Variants in MLIP observed in about 807,000 individuals in gnomAD.
MLIP encodes muscular LMNA-interacting protein.
In MLIP, 79 loss-of-function variants were observed where a neutral mutation model predicts 84.8. The ratio of observed to expected loss-of-function variants is 0.93; its 90% CI spans 0.78 to 1.12. The LOEUF (loss-of-function observed/expected upper bound fraction) is 1.12. Among genes scored for constraint, MLIP ranks in the 50% most tolerant of loss-of-function variants. The probability of loss-of-function intolerance (pLI) is 0.00; values close to 1 mark genes in which losing one functional copy is unlikely to be tolerated. For missense variants in MLIP, 1,257 were observed against 1,160.6 expected (o/e 1.08, Z -1.21); for synonymous variants, 504 against 463.0 (o/e 1.09, Z -1.14).
chr6:54,251,103 T>A (rs1413288174), intron 12 of MLIP, among the ~76,000 whole-genome samples: 2 of 152,066 alleles, frequency 1.3e-5, no homozygotes, highest in Non-Finnish European at 2.9e-5. Context: ...GTAAATGATC[T>A]AACTATACAA....
At chr6:54,212,092 A>G (rs1244110229) in intron 11 of MLIP, among the ~76,000 whole-genome samples, 1 of 152,206 alleles carries the variant, frequency 6.6e-6, no homozygotes, top group African/African-American at 2.4e-5. Context: ...TACATTTTCA[A>G]TGATTCCAGA....
intron 1 of MLIP, among the ~76,000 whole-genome samples, chr6:54,081,177 T>C (rs891885198): frequency 3.3e-5 from 5 of 152,158 alleles, no homozygotes; most frequent in African/African-American, 9.7e-5. Context: ...CACTAGTCTC[T>C]CTGGGAACTT....
chr6:54,072,906 T>G (rs1484744625), intron 1 of MLIP, among the ~76,000 whole-genome samples: 2 of 152,220 alleles, frequency 1.3e-5, no homozygotes, highest in East Asian at 1.9e-4. Flanking sequence ...TTTCAAGCAT[T>G]CCTTTTTTCT....
chr6:54,146,164 G>A (rs1772809969), intron 4 of MLIP, among the ~76,000 whole-genome samples: 1 of 152,132 alleles, frequency 6.6e-6, no homozygotes, highest in Non-Finnish European at 1.5e-5. Flanking sequence ...AGGAATTTAG[G>A]TGATAGCCTA....
At chr6:54,151,165 T>A (rs992127870) in intron 5 of MLIP, among the ~76,000 whole-genome samples, 1 of 152,144 alleles carries the variant, frequency 6.6e-6, no homozygotes, top group East Asian at 1.9e-4. Flanking sequence ...TAAGTGAATT[T>A]TTTTTTCTTT....
intron 1 of MLIP, among the ~76,000 whole-genome samples, chr6:54,086,068 G>C (rs563835047): frequency 1.3e-5 from 2 of 152,138 alleles, no homozygotes; most frequent in African/African-American, 4.8e-5. Flanking sequence ...TGAACTATTG[G>C]TTATTTTCTA....
chr6:54,035,125 G>A (rs966600739), intron 1 of MLIP, among the ~76,000 whole-genome samples: 7 of 152,090 alleles, frequency 4.6e-5, no homozygotes, highest in Non-Finnish European at 1.5e-5. Context: ...TACCATCTCA[G>A]TTTGTGTAAG....
intron 1 of MLIP, chr6:54,079,777 T>A (rs633124): frequency 0.99 from 150,259 of 152,354 alleles, 74,136 homozygotes; most frequent in East Asian, 1. Context: ...TCAGCTTGGT[T>A]TCACCTCTTG....
intron 9 of MLIP, among the ~76,000 whole-genome samples, chr6:54,188,367 G>A (rs1185553030): frequency 2.0e-5 from 3 of 152,100 alleles, no homozygotes; most frequent in East Asian, 1.9e-4. Context: ...GTAGGAACAT[G>A]TAGCTTGAAA....
intron 11 of MLIP, among the ~76,000 whole-genome samples, chr6:54,208,008 G>A (rs1015670642): frequency 1.1e-4 from 16 of 152,038 alleles, no homozygotes; most frequent in Non-Finnish European, 1.8e-4. Context: ...GGTGCCTGTG[G>A]TCCCAGCTAC....
chr6:54,201,650 C>T (rs897545170), intron 10 of MLIP, among the ~76,000 whole-genome samples: 4 of 152,264 alleles, frequency 2.6e-5, no homozygotes, highest in African/African-American at 9.6e-5. Context: ...ATGAACATGG[C>T]ATCTGGGGGC....
chr6:54,036,282 A>G (rs986112655), intron 1 of MLIP, among the ~76,000 whole-genome samples: 5 of 150,234 alleles, frequency 3.3e-5, no homozygotes, highest in African/African-American at 7.4e-5. Context: ...CTCATAAGCA[A>G]CTTCAGCAAA....
intron 2 of MLIP, among the ~76,000 whole-genome samples, chr6:54,124,124 TA>T: frequency 6.6e-6 from 1 of 152,188 alleles, no homozygotes; most frequent in Non-Finnish European, 1.5e-5. Flanking sequence ...CACCATTAAC[TA>T]AACCCTTGCC....
chr6:54,054,421 A>G (rs1329149637), intron 1 of MLIP, among the ~76,000 whole-genome samples: 1 of 73,440 alleles, frequency 1.4e-5, no homozygotes, highest in Non-Finnish European at 3.2e-5. Context: ...GACAGTGGGG[A>G]AAAAAAGGCA....
At chr6:54,095,545 C>A (rs1001316295) in intron 1 of MLIP, among the ~76,000 whole-genome samples, 3 of 152,052 alleles carry the variant, frequency 2.0e-5, no homozygotes, top group African/African-American at 7.3e-5. Context: ...CTTTCTGACT[C>A]CTGCTGTAAC....
rs375403498 is a variant in MLIP at position 54,068,473 on chromosome 6, G to A, written c.63+49382G>A. 2.1e-4 allele frequency among the ~76,000 whole-genome samples: 21 copies of A among 99,318 alleles called. 4 individuals are homozygous for A. The highest frequency in any genetic ancestry group is 5.4e-4 in the African/African-American group (21 of 38,956). The allele number at this position is 99,318 out of a possible 152,430, so 65.2% of individuals were successfully genotyped here. On this transcript the variant is annotated intron_variant, in intron 1 of 12. Coordinates refer to the MLIP transcript ENST00000274897. ...TCTGACTGAAAAATGTGGTTGCCACGTGGCTGACAACAGACCACTAGTGGC... is the reference window on the plus strand; with the variant it reads ...TCTGACTGAAAAATGTGGTTGCCACATGGCTGACAACAGACCACTAGTGGC...
intron 8 of MLIP, among the ~76,000 whole-genome samples, chr6:54,161,329 GA>G (rs1422215672): frequency 3.3e-4 from 50 of 151,816 alleles, no homozygotes; most frequent in Non-Finnish European, 6.2e-4. Flanking sequence ...GACTCAAAGG[GA>G]AATAAAACTG....
chr6:54,187,433 C>A (rs1246045665), intron 9 of MLIP, among the ~76,000 whole-genome samples: 1 of 152,026 alleles, frequency 6.6e-6, no homozygotes, highest in Non-Finnish European at 1.5e-5. Context: ...TGGAAAAATA[C>A]CATATAAATA....
At chr6:54,265,423 T>C (rs1462072021) in intron 13 of MLIP, among the ~76,000 whole-genome samples, 2 of 152,128 alleles carry the variant, frequency 1.3e-5, no homozygotes, top group African/African-American at 4.8e-5. Flanking sequence ...AGCAAAATTG[T>C]AAGATCAAGC....
Sources: gnomAD v4.1 joint callset for allele counts (sites outside exome capture counted in the v4.1 genomes callset) on GRCh38, gnomAD v4.1.1 for gene constraint, MANE v1.5 for transcripts, NCBI Gene and HGNC (gene_info 2026-07-23, HGNC 2026-07-21) for gene names.